The following YES1 variants were observed in gnomAD, a reference collection of about 807,000 sequenced individuals.
YES1 encodes tyrosine-protein kinase Yes.
YES1 carries 39 observed loss-of-function variants against 70.4 expected under a neutral mutation model. The ratio of observed to expected loss-of-function variants is 0.55; its 90% CI spans 0.43 to 0.72. YES1 has a LOEUF of 0.72. Among genes scored for constraint, YES1 ranks in the 30% least tolerant of loss-of-function variants. The pLI is 0.00. For missense variants in YES1, 495 were observed against 644.8 expected, an observed-to-expected ratio of 0.77 and a Z score of 2.52; for synonymous variants, 198 against 218.6, an observed-to-expected ratio of 0.91 and a Z score of 0.83.
intron 1 of YES1, chr18:798,051 G>A (rs557902047): frequency 4.6e-5 from 7 of 152,178 alleles, no homozygotes; most frequent in African/African-American, 1.4e-4. Context: ...AAATCACAGG[G>A]GTCAGCACAA....
At chr18:725,846 A>T (rs1270483867) in intron 11 of YES1, among the ~76,000 whole-genome samples, 2 of 152,016 alleles carry the variant, frequency 1.3e-5, no homozygotes, top group Non-Finnish European at 1.5e-5. Context: ...ATTGCGCCAT[A>T]GCACTCCAGC....
chr18:736,862 C>T lies in YES1; in HGVS notation c.1237G>A (p.Ala413Thr). Residue 413 changes from alanine (A) to threonine (T), a missense_variant, in exon 10 of 12, where the codon GCA becomes ACA. Ala to Thr is a moderately conservative substitution (Grantham distance 58, BLOSUM62 0). Transcript: ENST00000314574. ...ATTAACCTTGCTAAACCAAAGTCTGCTATTTTGCACACAAGATTTTCTCCT... is the reference window on the plus strand; with the variant it reads ...ATTAACCTTGCTAAACCAAAGTCTGTTATTTTGCACACAAGATTTTCTCCT... Reference protein sequence around the residue: ...LVGENLVCKIADFGLARLIED... With the variant: ...LVGENLVCKITDFGLARLIED... 1.2e-6 allele frequency: 2 copies of T among 1,612,558 alleles called. No homozygotes were observed. The highest frequency in any genetic ancestry group is 1.7e-6 in the Non-Finnish European group (2 of 1,179,952).
chr18:804,501 G>A (rs1442770323), intron 1 of YES1, among the ~76,000 whole-genome samples: 1 of 148,122 alleles, frequency 6.8e-6, no homozygotes, highest in Non-Finnish European at 1.5e-5. Context: ...CCCAGCTACT[G>A]AGGAGGCTGA....
chr18:745,986 CGTT>C lies in YES1; in HGVS notation c.533_535del (p.Gln178del), dbSNP rs750597845. 2 of 1,613,054 alleles carry C rather than the reference CGTT, an allele frequency of 1.2e-6. No homozygotes were observed. The highest frequency in any genetic ancestry group is 1.7e-6 in the Non-Finnish European group (2 of 1,179,588). ...ACTCTCTCTTACTAAGAAAATACCT[CGTT>C]GATTTCCAGGATTCAAAAGTAATCT... On this transcript the variant is annotated inframe_deletion, in exon 5 of 12. Transcript: ENST00000314574.
In YES1 at chr18:722,844, G is replaced by C. The variant is rs1221212277; in HGVS notation, c.*1580C>G. 1.3e-5 allele frequency: 2 copies of C among 152,198 alleles called. No individual in the cohort carries two copies. Among genetic ancestry groups the C allele is most frequent in the Admixed American group, 6.5e-5 (1 of 15,280 alleles). The allele number at this position is 152,198 out of a possible 1,614,324, so 9.4% of individuals were successfully genotyped here. A position where few individuals can be genotyped will look rare whatever the true frequency, so the allele number is the denominator to read the frequency against. Reference sequence around the variant, plus strand: ...GCGGTGGCTCACGCCTGTAATCCCAGCACTTTGGGAGGCCGAGGCGGGCAG... The same window carrying C: ...GCGGTGGCTCACGCCTGTAATCCCACCACTTTGGGAGGCCGAGGCGGGCAG... On this transcript the variant is annotated 3_prime_UTR_variant, in exon 12 of 12. Transcript: ENST00000314574.
intron 1 of YES1, among the ~76,000 whole-genome samples, chr18:759,455 G>GA (rs1435259410): frequency 5.3e-5 from 8 of 152,182 alleles, no homozygotes; most frequent in Non-Finnish European, 2.9e-5. Context: ...CGACAAGAAC[G>GA]AAACTCCGTC....
chr18:775,126 A>C (rs893547416), intron 1 of YES1: 5 of 152,180 alleles, frequency 3.3e-5, no homozygotes, highest in African/African-American at 9.7e-5. Flanking sequence ...TAAAATATAA[A>C]AGTAAACCTC....
chr18:759,359 T>C (rs1904454879), intron 1 of YES1, among the ~76,000 whole-genome samples: 1 of 152,088 alleles, frequency 6.6e-6, no homozygotes, highest in African/African-American at 2.4e-5. Context: ...TCCAGCTACT[T>C]GGGAGGCTGG....
At chr18:808,097 C>T (rs1907190204) in intron 1 of YES1, among the ~76,000 whole-genome samples, 1 of 152,304 alleles carries the variant, frequency 6.6e-6, no homozygotes, top group East Asian at 1.9e-4. Context: ...GATTCTCTGT[C>T]TTTCCTGGAG....
At chr18:808,225 A>G (rs1302837852) in intron 1 of YES1, among the ~76,000 whole-genome samples, 5 of 152,244 alleles carry the variant, frequency 3.3e-5, no homozygotes, top group African/African-American at 4.8e-5. Flanking sequence ...GCATACAGAC[A>G]TGTGAAAACG....
chr18:763,773 G>A (rs922166360), intron 1 of YES1, among the ~76,000 whole-genome samples: 2 of 150,330 alleles, frequency 1.3e-5, no homozygotes, highest in Admixed American at 6.7e-5. Context: ...GAAATGAGAA[G>A]TGTATAAGTA....
intron 1 of YES1, among the ~76,000 whole-genome samples, chr18:759,706 TC>T (rs1211705619): frequency 2.6e-5 from 4 of 151,654 alleles, no homozygotes; most frequent in Non-Finnish European, 1.5e-5. Context: ...TTTATTTATT[TC>T]TTTTTTTCTT....
intron 9 of YES1, chr18:737,592 G>A (rs1035899785): frequency 4.6e-5 from 7 of 152,222 alleles, no homozygotes; most frequent in Admixed American, 3.3e-4. Flanking sequence ...TCTCTATCAG[G>A]CACAACCTAA....
intron 1 of YES1, among the ~76,000 whole-genome samples, chr18:763,303 A>C (rs1261232862): frequency 1.3e-5 from 2 of 152,220 alleles, no homozygotes; most frequent in African/African-American, 4.8e-5. Context: ...GTGTTTTATA[A>C]TAACTATGAC....
intron 1 of YES1, among the ~76,000 whole-genome samples, chr18:765,767 T>C (rs1401477892): frequency 6.6e-6 from 1 of 152,192 alleles, no homozygotes; most frequent in African/African-American, 2.4e-5. Flanking sequence ...AAATGGCTAA[T>C]AGTGTTAAAG....
At chr18:804,320 A>C (rs190087747) in intron 1 of YES1, among the ~76,000 whole-genome samples, 35 of 152,332 alleles carry the variant, frequency 2.3e-4, no homozygotes, top group African/African-American at 8.2e-4. Flanking sequence ...ATTACGAAAA[A>C]ATCTGGGCTA....
At chr18:776,147 A>G (rs1201874417) in intron 1 of YES1, among the ~76,000 whole-genome samples, 1 of 152,158 alleles carries the variant, frequency 6.6e-6, no homozygotes, top group Non-Finnish European at 1.5e-5. Flanking sequence ...TCTCACCAGC[A>G]AGCATGAGAA....
At chr18:755,597 GTATA>G (rs901382578) in intron 2 of YES1, among the ~76,000 whole-genome samples, 60 of 152,248 alleles carry the variant, frequency 3.9e-4, no homozygotes, top group African/African-American at 1.4e-3. Flanking sequence ...AGAGACAAAT[GTATA>G]GTCAGTCTAT....
chr18:779,689 A>G (rs1905556453), intron 1 of YES1, among the ~76,000 whole-genome samples: 1 of 152,136 alleles, frequency 6.6e-6, no homozygotes, highest in African/African-American at 2.4e-5. Flanking sequence ...AGCTGACCAT[A>G]TACCTATCTC....
Sources: allele counts gnomAD v4.1 joint callset (sites outside exome capture counted in the v4.1 genomes callset), GRCh38; gene constraint gnomAD v4.1.1; transcripts MANE v1.5; gene names NCBI Gene and HGNC (gene_info 2026-07-23, HGNC 2026-07-21).